SOX6: variants seen among roughly 807,000 people sequenced by gnomAD.
The protein encoded by SOX6 is transcription factor SOX-6.
SOX6 carries 11 observed loss-of-function variants against 97.8 expected under a neutral mutation model. The ratio of observed to expected loss-of-function variants is 0.11; its 90% CI spans 0.07 to 0.19. The LOEUF is 0.19. SOX6 is among the 10% of genes least tolerant of loss of function. The probability of loss-of-function intolerance (pLI) is 1.00; values close to 1 mark genes in which losing one functional copy is unlikely to be tolerated. For missense variants in SOX6, 810 were observed against 1,039.5 expected, an observed-to-expected ratio of 0.78 and a Z score of 3.04; for synonymous variants, 360 against 371.4, an observed-to-expected ratio of 0.97 and a Z score of 0.35.
intron 4 of SOX6, among the ~76,000 whole-genome samples, chr11:16,532,867 T>C (rs1861257133): frequency 6.6e-6 from 1 of 151,894 alleles, no homozygotes; most frequent in Admixed American, 6.6e-5. Context: ...TAATCACTCT[T>C]CATAGGTGAG....
At chr11:16,237,760 C>A (rs1317286772) in intron 3 of SOX6, among the ~76,000 whole-genome samples, 2 of 151,862 alleles carry the variant, frequency 1.3e-5, no homozygotes, top group Non-Finnish European at 2.9e-5. Flanking sequence ...AATTTGAAAA[C>A]AATTAACTAA....
intron 4 of SOX6, among the ~76,000 whole-genome samples, chr11:16,571,359 CT>C (rs1185151638): frequency 6.6e-6 from 1 of 152,266 alleles, no homozygotes; most frequent in East Asian, 1.9e-4. Flanking sequence ...GCAATTTAAT[CT>C]GTATGAATAA....
At chr11:16,166,556 C>T (rs903337457) in intron 6 of SOX6, among the ~76,000 whole-genome samples, 8 of 152,150 alleles carry the variant, frequency 5.3e-5, no homozygotes, top group African/African-American at 1.9e-4. Flanking sequence ...TGAATACGAC[C>T]TCAGACTTCA....
intron 1 of SOX6, among the ~76,000 whole-genome samples, chr11:16,354,956 C>T (rs1310723868): frequency 4.6e-5 from 7 of 151,864 alleles, no homozygotes; most frequent in Non-Finnish European, 1.0e-4. Flanking sequence ...GCTAAAGAAC[C>T]CCAGCACATT....
chr11:16,649,494 A>G (rs1271188185), intron 3 of SOX6, among the ~76,000 whole-genome samples: 1 of 152,206 alleles, frequency 6.6e-6, no homozygotes, highest in Non-Finnish European at 1.5e-5. Context: ...ATAATTGTCA[A>G]CCAAGAATTT....
At chr11:16,384,104 T>C (rs1857906840) in intron 1 of SOX6, among the ~76,000 whole-genome samples, 1 of 151,934 alleles carries the variant, frequency 6.6e-6, no homozygotes, top group Admixed American at 6.6e-5. Flanking sequence ...AAAACTATGA[T>C]ATAACCTCAC....
At chr11:16,209,730 G>GT (rs770897259) in intron 4 of SOX6, among the ~76,000 whole-genome samples, 2 of 152,050 alleles carry the variant, frequency 1.3e-5, no homozygotes, top group East Asian at 3.9e-4. Context: ...TCCAACCTGG[G>GT]TGACAGCATG....
chr11:16,216,773 G>C (rs1852385314), intron 4 of SOX6, among the ~76,000 whole-genome samples: 1 of 152,160 alleles, frequency 6.6e-6, no homozygotes, highest in African/African-American at 2.4e-5. Flanking sequence ...AGCCATGTCA[G>C]ATAGTGGTGA....
At chr11:16,465,584 T>C (rs962134641) in intron 1 of SOX6, 77 of 152,320 alleles carry the variant, frequency 5.1e-4, no homozygotes, top group African/African-American at 1.8e-3. Context: ...AAAGAATCTA[T>C]ATTCTGCCCA....
At chr11:16,323,264 T>C (rs1227715568) in intron 2 of SOX6, among the ~76,000 whole-genome samples, 1 of 152,150 alleles carries the variant, frequency 6.6e-6, no homozygotes, top group Non-Finnish European at 1.5e-5. Flanking sequence ...AAATAGTTAT[T>C]AGAAAAAGTT....
chr11:16,535,442 G>A (rs1257287572), intron 4 of SOX6, among the ~76,000 whole-genome samples: 1 of 152,148 alleles, frequency 6.6e-6, no homozygotes, highest in Non-Finnish European at 1.5e-5. Context: ...GGAGGCCAAG[G>A]TGGGCAGATC....
chr11:16,175,848 C>T (rs970330035), intron 6 of SOX6, among the ~76,000 whole-genome samples: 2 of 151,686 alleles, frequency 1.3e-5, no homozygotes, highest in African/African-American at 2.4e-5. Context: ...GATGTCTATA[C>T]AATTTTAGCT....
chr11:16,307,356 T>A (rs557831175), intron 3 of SOX6, among the ~76,000 whole-genome samples: 1 of 152,332 alleles, frequency 6.6e-6, no homozygotes, highest in East Asian at 1.9e-4. Flanking sequence ...CCAGACTTTC[T>A]GCTATTAATC....
At chr11:16,592,130 A>G (rs1283254159) in intron 4 of SOX6, among the ~76,000 whole-genome samples, 6 of 151,962 alleles carry the variant, frequency 3.9e-5, no homozygotes, top group Admixed American at 3.9e-4. Flanking sequence ...TGAAATACAT[A>G]TGTACATGTA....
intron 3 of SOX6, among the ~76,000 whole-genome samples, chr11:16,306,528 G>A (rs904404183): frequency 8.6e-5 from 13 of 151,566 alleles, no homozygotes; most frequent in African/African-American, 3.1e-4. Flanking sequence ...GAAGTATGTT[G>A]GACTAAATAA....
chr11:16,132,334 A>AAG (rs1849780633), intron 6 of SOX6, among the ~76,000 whole-genome samples: 2 of 88,116 alleles, frequency 2.3e-5, no homozygotes, highest in African/African-American at 8.8e-5. Context: ...AAGGAAGGAA[A>AAG]GAAAAAAGAA....
At chr11:16,290,358 T>C (rs1466221507) in intron 3 of SOX6, among the ~76,000 whole-genome samples, 1 of 152,086 alleles carries the variant, frequency 6.6e-6, no homozygotes, top group Non-Finnish European at 1.5e-5. Context: ...TTTGGGGTTA[T>C]TAGCATGATA....
chr11:16,183,165 T>C (rs886454768), intron 6 of SOX6, among the ~76,000 whole-genome samples: 1 of 151,932 alleles, frequency 6.6e-6, no homozygotes, highest in Non-Finnish European at 1.5e-5. Flanking sequence ...GAAACCATTT[T>C]CCTTGCCTAT....
At chr11:16,046,788 C>A in intron 11 of SOX6, 87 bp from the exon 12 acceptor site, 1 of 1,339,550 alleles carries the variant, frequency 7.5e-7, no homozygotes, top group East Asian at 2.3e-5. Context: ...TAGAAAGCTG[C>A]ATTCTCTGAA....
Sources: gnomAD v4.1 joint callset for allele counts (sites outside exome capture counted in the v4.1 genomes callset) on GRCh38, gnomAD v4.1.1 for gene constraint, MANE v1.5 for transcripts, NCBI Gene and HGNC (gene_info 2026-07-23, HGNC 2026-07-21) for gene names.